Variants in PPP3CC observed in about 807,000 individuals in gnomAD.
PPP3CC encodes the protein serine/threonine-protein phosphatase 2B catalytic subunit gamma isoform.
A neutral mutation model predicts 60.3 loss-of-function variants in PPP3CC; 35 were observed. The ratio of observed to expected loss-of-function variants is 0.58; its 90% CI spans 0.44 to 0.77. The LOEUF (loss-of-function observed/expected upper bound fraction) is 0.77, where lower values mean the gene tolerates loss of function less well. Ranked by LOEUF, PPP3CC falls within the 30% of genes least tolerant of loss-of-function variation. The probability of loss-of-function intolerance (pLI) is 0.00; values close to 1 mark genes in which losing one functional copy is unlikely to be tolerated. For synonymous variants in PPP3CC, 206 were observed against 224.3 expected, an observed-to-expected ratio of 0.92 and a Z score of 0.73; for missense variants, 570 against 628.9, an observed-to-expected ratio of 0.91 and a Z score of 1.00.
chr8:22,453,121 G>A (rs1028872158), intron 1 of PPP3CC, among the ~76,000 whole-genome samples: 3 of 152,188 alleles, frequency 2.0e-5, no homozygotes, highest in African/African-American at 7.2e-5. Context: ...CTTGCCACAG[G>A]TGTAAAATGG....
chr8:22,446,427 G>A (rs1210091687), intron 1 of PPP3CC, among the ~76,000 whole-genome samples: 1 of 152,148 alleles, frequency 6.6e-6, no homozygotes, highest in African/African-American at 2.4e-5. Context: ...AAATGCTAAG[G>A]ACTCATTACT....
chr8:22,458,948 G>A (rs1030704151), intron 1 of PPP3CC, among the ~76,000 whole-genome samples: 2 of 152,182 alleles, frequency 1.3e-5, no homozygotes, highest in African/African-American at 4.8e-5. Context: ...AATTAAGGAA[G>A]TCAGCAACTA....
chr8:22,469,479 C>T (rs77760985), intron 1 of PPP3CC, among the ~76,000 whole-genome samples: 3 of 151,938 alleles, frequency 2.0e-5, no homozygotes, highest in African/African-American at 7.3e-5. Flanking sequence ...GATGAACATC[C>T]TGAAGACCCT....
chr8:22,494,219 C>T (rs758088240), intron 3 of PPP3CC, among the ~76,000 whole-genome samples: 10 of 152,196 alleles, frequency 6.6e-5, no homozygotes, highest in Non-Finnish European at 8.8e-5. Flanking sequence ...TTAACAGATC[C>T]GCATGGCTGG....
chr8:22,474,635 C>T (rs1209508466), intron 1 of PPP3CC, among the ~76,000 whole-genome samples: 2 of 151,998 alleles, frequency 1.3e-5, no homozygotes, highest in Non-Finnish European at 2.9e-5. Flanking sequence ...ACTCAGGAGG[C>T]GGAGGTTGCA....
chr8:22,467,928 C>T (rs570735175), intron 1 of PPP3CC, among the ~76,000 whole-genome samples: 1 of 152,246 alleles, frequency 6.6e-6, no homozygotes, highest in East Asian at 1.9e-4. Context: ...CTTTGGACCT[C>T]TTTTGTAATG....
At chr8:22,521,367 A>T (rs1839400576) in intron 6 of PPP3CC, among the ~76,000 whole-genome samples, 1 of 152,176 alleles carries the variant, frequency 6.6e-6, no homozygotes, top group Non-Finnish European at 1.5e-5. Flanking sequence ...CCTTCCCAGG[A>T]TGGATGAGGC....
chr8:22,474,894 T>G, intron 1 of PPP3CC, 60 bp from the exon 2 acceptor site: 1 of 1,101,788 alleles, frequency 9.1e-7, no homozygotes, highest in Non-Finnish European at 1.2e-6. Flanking sequence ...AAAAGAATTG[T>G]GTTCTGTTTG....
chr8:22,514,188 C>A (rs1386496837), intron 6 of PPP3CC, among the ~76,000 whole-genome samples: 1 of 136,266 alleles, frequency 7.3e-6, no homozygotes, highest in African/African-American at 2.8e-5. Flanking sequence ...GTGTAGGTTG[C>A]AGTGAGCCAA....
Position 22,475,163 on chromosome 8 carries a change from C to G in PPP3CC, c.247+12C>G. 4 of 1,596,724 alleles carry G rather than the reference C, an allele frequency of 2.5e-6. No homozygotes were observed. In the South Asian group the frequency reaches 4.5e-5, roughly 18 times the overall value. On this transcript the variant is annotated intron_variant, in intron 2 of 13. Transcript: ENST00000240139. The stretch of plus-strand genomic sequence containing the variant: ...TGCTCCAATCACAGGTATAAAAAGT[C>G]TTTGCATGATACTTTTTTACAGTAT...
chr8:22,525,518 C>CTTTG (rs1399426999), intron 8 of PPP3CC, among the ~76,000 whole-genome samples: 1 of 91,426 alleles, frequency 1.1e-5, no homozygotes, highest in Non-Finnish European at 2.2e-5. Context: ...TTCTTTCTTT[C>CTTTG]TTTCTTTCTT....
intron 3 of PPP3CC, among the ~76,000 whole-genome samples, chr8:22,478,270 G>A (rs1409491353): frequency 1.3e-5 from 2 of 151,372 alleles, no homozygotes; most frequent in African/African-American, 4.9e-5. Context: ...CTCTGCCTCT[G>A]CCTCCTGAGT....
At chr8:22,531,429 C>T (rs760913156) in intron 10 of PPP3CC, 9 of 1,190,952 alleles carry the variant, frequency 7.6e-6, no homozygotes, top group African/African-American at 4.5e-5. Flanking sequence ...TTCAGAAAGG[C>T]TCTCCATCCG....
intron 6 of PPP3CC, among the ~76,000 whole-genome samples, chr8:22,513,823 T>G (rs1322113130): frequency 1.3e-5 from 2 of 152,200 alleles, no homozygotes; most frequent in Non-Finnish European, 2.9e-5. Context: ...CTCTCCAAAT[T>G]TTGTAACCAC....
chr8:22,525,923 A>G (rs1839549811), intron 8 of PPP3CC, among the ~76,000 whole-genome samples: 1 of 149,468 alleles, frequency 6.7e-6, no homozygotes, highest in Non-Finnish European at 1.5e-5. Flanking sequence ...GCTGGAGTGC[A>G]GTGGTGCGGT....
intron 12 of PPP3CC, among the ~76,000 whole-genome samples, chr8:22,536,676 C>T (rs573372995): frequency 6.6e-6 from 1 of 152,230 alleles, no homozygotes; most frequent in East Asian, 1.9e-4. Flanking sequence ...GTTTCTTATT[C>T]TTATTGATTC....
At chr8:22,479,125 G>C (rs1340109888) in intron 3 of PPP3CC, among the ~76,000 whole-genome samples, 1 of 152,020 alleles carries the variant, frequency 6.6e-6, no homozygotes, top group Non-Finnish European at 1.5e-5. Flanking sequence ...GTATACACTT[G>C]AAAAATAATT....
chr8:22,503,660 G>A (rs1838827838), intron 4 of PPP3CC, among the ~76,000 whole-genome samples: 1 of 152,034 alleles, frequency 6.6e-6, no homozygotes, highest in South Asian at 2.1e-4. Flanking sequence ...TTAGAAGATG[G>A]AACAATAGGT....
intron 10 of PPP3CC, among the ~76,000 whole-genome samples, chr8:22,530,326 G>C (rs919617704): frequency 2.6e-5 from 4 of 151,402 alleles, no homozygotes; most frequent in Non-Finnish European, 5.9e-5. Flanking sequence ...GTGATGGCGA[G>C]TGCTTCTGGT....
Sources: allele counts gnomAD v4.1 joint callset (sites outside exome capture counted in the v4.1 genomes callset), GRCh38; gene constraint gnomAD v4.1.1; transcripts MANE v1.5; gene names NCBI Gene and HGNC (gene_info 2026-07-23, HGNC 2026-07-21).